GNB4: variants seen among roughly 807,000 people sequenced by gnomAD.
The protein encoded by GNB4 is guanine nucleotide-binding protein subunit beta-4.
Under a neutral mutation model 45.2 loss-of-function variants are expected in GNB4, and 28 were observed. That is an observed-to-expected ratio of 0.62 (90% CI 0.46 to 0.85). The LOEUF is 0.85. GNB4 is among the 40% of genes least tolerant of loss of function. The pLI is 0.00. For missense variants in GNB4, 321 were observed against 425.4 expected (o/e 0.75, Z 2.16); for synonymous variants, 132 against 143.7 (o/e 0.92, Z 0.58).
the GNB4 span, among the ~76,000 whole-genome samples, chr3:179,521,121 C>T: frequency 2.0e-5 from 3 of 152,134 alleles, no homozygotes; most frequent in Non-Finnish European, 2.9e-5. Flanking sequence ...AACTAAAATA[C>T]CTCTTAGTCT....
At chr3:179,472,842 C>T in the GNB4 span, among the ~76,000 whole-genome samples, 32 of 152,192 alleles carry the variant, frequency 2.1e-4, no homozygotes, top group African/African-American at 7.7e-4. Flanking sequence ...AAGTGACCCT[C>T]CAAGGACACC....
chr3:179,438,595 G>T (rs990523508), intron 1 of GNB4, among the ~76,000 whole-genome samples: 4 of 152,200 alleles, frequency 2.6e-5, no homozygotes, highest in Admixed American at 2.6e-4. Context: ...AATGGAAAAA[G>T]AAATGACCAG....
chr3:179,418,780 T>C (rs147571237), intron 4 of GNB4, among the ~76,000 whole-genome samples: 1 of 152,372 alleles, frequency 6.6e-6, no homozygotes, highest in East Asian at 1.9e-4. Context: ...ACATCTGCTA[T>C]TGCCAGACAA....
upstream of GNB4, among the ~76,000 whole-genome samples, chr3:179,456,173 G>T (rs949456835): frequency 6.8e-6 from 1 of 146,286 alleles, no homozygotes; most frequent in Admixed American, 7.0e-5. Context: ...GCGCAGTGGC[G>T]CAATCTCAGC....
chr3:179,517,053 T>C, the GNB4 span, among the ~76,000 whole-genome samples: 1 of 152,306 alleles, frequency 6.6e-6, no homozygotes, highest in South Asian at 2.1e-4. Context: ...AGCATGGTGG[T>C]GCAGGATATG....
the GNB4 span, among the ~76,000 whole-genome samples, chr3:179,519,032 T>G: frequency 1.3e-5 from 2 of 152,206 alleles, no homozygotes; most frequent in Non-Finnish European, 2.9e-5. Context: ...TTGCCCCCAC[T>G]GTGAGACAAA....
chr3:179,438,186 T>C (rs933271629), intron 1 of GNB4, among the ~76,000 whole-genome samples: 1 of 152,222 alleles, frequency 6.6e-6, no homozygotes, highest in East Asian at 1.9e-4. Context: ...TGTACACAAC[T>C]CTGTGTAGTA....
At chr3:179,460,254 A>G in the GNB4 span, among the ~76,000 whole-genome samples, 20 of 152,346 alleles carry the variant, frequency 1.3e-4, 1 homozygote, top group African/African-American at 4.8e-4. Context: ...TTTTCTCAAG[A>G]AACTGGAAAC....
the GNB4 span, among the ~76,000 whole-genome samples, chr3:179,509,931 C>T: frequency 6.6e-6 from 1 of 152,120 alleles, no homozygotes; most frequent in Non-Finnish European, 1.5e-5. Context: ...ACAAGTGATC[C>T]TCCCACCTCA....
intron 1 of GNB4, among the ~76,000 whole-genome samples, chr3:179,442,908 G>A (rs2108619226): frequency 6.6e-6 from 1 of 152,292 alleles, no homozygotes; most frequent in Non-Finnish European, 1.5e-5. Context: ...GGGATGAAAG[G>A]TGTGATCCAC....
chr3:179,459,377 C>T, the GNB4 span, among the ~76,000 whole-genome samples: 1 of 152,196 alleles, frequency 6.6e-6, no homozygotes, highest in African/African-American at 2.4e-5. Flanking sequence ...TGTTCCTATT[C>T]CTGCTCTTAG....
the GNB4 span, among the ~76,000 whole-genome samples, chr3:179,524,459 T>C: frequency 6.6e-6 from 1 of 152,214 alleles, no homozygotes; most frequent in Non-Finnish European, 1.5e-5. Flanking sequence ...TTTTGAAGTT[T>C]TTGTGTGCTG....
At chr3:179,453,321 C>T (rs908003023), upstream of GNB4, among the ~76,000 whole-genome samples, 1 of 152,162 alleles carries the variant, frequency 6.6e-6, no homozygotes, top group Non-Finnish European at 1.5e-5. Context: ...GGGGTTTCAC[C>T]GTGTTGACCA....
intron 1 of GNB4, among the ~76,000 whole-genome samples, chr3:179,431,432 G>A (rs1427484416): frequency 1.3e-5 from 2 of 151,730 alleles, no homozygotes; most frequent in East Asian, 1.9e-4. Flanking sequence ...CTTGGCAAAC[G>A]CCTGTAATCT....
chr3:179,527,748 AGAG>A, the GNB4 span, among the ~76,000 whole-genome samples: 4 of 152,034 alleles, frequency 2.6e-5, no homozygotes, highest in South Asian at 6.2e-4. Flanking sequence ...GCTGGTTTAA[AGAG>A]GAGGATAGAA....
the GNB4 span, among the ~76,000 whole-genome samples, chr3:179,474,427 T>C: frequency 6.6e-6 from 1 of 152,156 alleles, no homozygotes; most frequent in Non-Finnish European, 1.5e-5. Context: ...TTTTACCATG[T>C]TGGCCAGGCT....
At chr3:179,512,371 A>T in the GNB4 span, among the ~76,000 whole-genome samples, 1 of 152,222 alleles carries the variant, frequency 6.6e-6, no homozygotes, top group African/African-American at 2.4e-5. Context: ...ATTTTTTTCA[A>T]CCAGCTTTAG....
At chr3:179,419,542 A>G (rs777747118) in intron 3 of GNB4, 37 bp from the exon 4 acceptor site, 6 of 1,223,182 alleles carry the variant, frequency 4.9e-6, no homozygotes, top group Admixed American at 1.7e-5. Context: ...CTTTACCTTA[A>G]TCATAGTTCA....
At chr3:179,512,846 C>T in the GNB4 span, among the ~76,000 whole-genome samples, 1 of 152,030 alleles carries the variant, frequency 6.6e-6, no homozygotes, top group African/African-American at 2.4e-5. Flanking sequence ...CGTAGATAAT[C>T]CTAAAGGTAT....
Sources: gnomAD v4.1 joint callset for allele counts (sites outside exome capture counted in the v4.1 genomes callset) on GRCh38, gnomAD v4.1.1 for gene constraint, MANE v1.5 for transcripts, NCBI Gene and HGNC (gene_info 2026-07-23, HGNC 2026-07-21) for gene names.